METAP1: variants seen among roughly 807,000 people sequenced by gnomAD.
METAP1 encodes the protein methionine aminopeptidase 1.
Under a neutral mutation model 53.8 loss-of-function variants are expected in METAP1, and 28 were observed. The ratio of observed to expected loss-of-function variants is 0.52; its 90% CI spans 0.39 to 0.71. The LOEUF is 0.71. Ranked by LOEUF, METAP1 falls within the 30% of genes least tolerant of loss-of-function variation. METAP1 has a pLI of 0.00. For synonymous variants in METAP1, 181 were observed against 165.7 expected, an observed-to-expected ratio of 1.09 and a Z score of -0.71; for missense variants, 389 against 479.8, an observed-to-expected ratio of 0.81 and a Z score of 1.77.
intron 1 of METAP1, 130 bp downstream of exon 1, chr4:98,995,997 C>T (rs912523298): frequency 2.0e-5 from 15 of 737,322 alleles, no homozygotes; most frequent in East Asian, 3.0e-5. Context: ...GCGTTTCCTC[C>T]TCCCCCCACC....
At chr4:99,030,162 G>A (rs1724899532) in intron 2 of METAP1, among the ~76,000 whole-genome samples, 2 of 152,088 alleles carry the variant, frequency 1.3e-5, no homozygotes, top group African/African-American at 4.8e-5. Flanking sequence ...TAAAAGCATT[G>A]GTAAGTAATA....
intron 1 of METAP1, chr4:99,022,255 A>G: frequency 2.0e-6 from 1 of 494,400 alleles, no homozygotes; most frequent in East Asian, 3.7e-5. Context: ...TCATTCTATT[A>G]TGAGGTAGAC....
At position 99,061,596 on chromosome 4, in the gene METAP1, T is replaced by A; in HGVS notation, c.*279T>A. ...ACTTTTACTTAAACTTGCTTGTAGT[T>A]GCTTTTATCACTGCCGCAAAACAGC... On this transcript the variant is annotated 3_prime_UTR_variant, in exon 11 of 11. Coordinates refer to ENST00000296411, the MANE Select transcript of METAP1 (RefSeq NM_015143.3). 1 of 264,970 alleles carries A rather than the reference T, an allele frequency of 3.8e-6. No homozygotes were observed. The highest frequency in any genetic ancestry group is 7.0e-6 in the Non-Finnish European group (1 of 142,346). The allele number at this position is 264,970 out of a possible 1,614,324, so 16.4% of individuals were successfully genotyped here.
At chr4:99,008,163 A>G (rs762758745) in intron 1 of METAP1, among the ~76,000 whole-genome samples, 9 of 152,178 alleles carry the variant, frequency 5.9e-5, no homozygotes, top group Admixed American at 1.3e-4. Flanking sequence ...AGGTGTGAAA[A>G]TCAAATAGAG....
At chr4:99,036,639 A>G (rs541926586) in intron 4 of METAP1, among the ~76,000 whole-genome samples, 1 of 152,238 alleles carries the variant, frequency 6.6e-6, no homozygotes, top group Admixed American at 6.5e-5. Context: ...ATGTCTTACA[A>G]ATGTGTCTTA....
At chr4:99,032,877 T>C (rs1246283650) in intron 2 of METAP1, among the ~76,000 whole-genome samples, 1 of 152,236 alleles carries the variant, frequency 6.6e-6, no homozygotes, top group African/African-American at 2.4e-5. Flanking sequence ...TCACAGTGGC[T>C]TTCTTGAATT....
At chr4:99,013,930 C>T (rs1391931544) in intron 1 of METAP1, among the ~76,000 whole-genome samples, 2 of 152,160 alleles carry the variant, frequency 1.3e-5, no homozygotes, top group African/African-American at 4.8e-5. Flanking sequence ...ATTCCCTCCT[C>T]TTTTTGTTTT....
At chr4:99,003,029 A>G (rs1722993780) in intron 1 of METAP1, among the ~76,000 whole-genome samples, 1 of 152,142 alleles carries the variant, frequency 6.6e-6, no homozygotes, top group African/African-American at 2.4e-5. Flanking sequence ...AGATTGCGCC[A>G]CTGCACTCCA....
chr4:99,046,689 T>C (rs993835562), intron 8 of METAP1, among the ~76,000 whole-genome samples: 1 of 152,098 alleles, frequency 6.6e-6, no homozygotes, highest in Non-Finnish European at 1.5e-5. Context: ...GAGATGAAAT[T>C]TTTACTCAAG....
At position 99,023,008 on chromosome 4, in the gene METAP1, C is replaced by T. The variant is rs192479274; in HGVS notation, c.115-5859C>T. On this transcript the variant is annotated intron_variant, in intron 1 of 10. Transcript: ENST00000296411. ...CAGGTACACAATACCTGGCACTACCCGCTTCTTGCTGCCACAGGCTGCTGC... is the reference window on the plus strand; with the variant it reads ...CAGGTACACAATACCTGGCACTACCTGCTTCTTGCTGCCACAGGCTGCTGC... 1.1e-4 allele frequency: 156 copies of T among 1,460,598 alleles called. 1 individual carries two copies. Among genetic ancestry groups the T allele is most frequent in the African/African-American group, 3.5e-4 (25 of 71,174 alleles). The allele number at this position is 1,460,598 out of a possible 1,614,324, so 90.5% of individuals were successfully genotyped here.
At chr4:99,020,221 C>G (rs1724011801) in intron 1 of METAP1, among the ~76,000 whole-genome samples, 1 of 152,096 alleles carries the variant, frequency 6.6e-6, no homozygotes, top group Non-Finnish European at 1.5e-5. Flanking sequence ...AAAAACTGGT[C>G]AATTTGCTCT....
At position 98,995,724 on chromosome 4, in the gene METAP1, G is replaced by C; in HGVS notation, c.-30G>C. On this transcript the variant is annotated 5_prime_UTR_variant, in exon 1 of 11. Transcript: ENST00000296411. ...TCCCTCCCGCCGCCGCCTCTTCCTC[G>C]GTGAGGCGCTCTTCCAGCGGGCAGG... 2 of 1,531,608 alleles carry C rather than the reference G, an allele frequency of 1.3e-6. No homozygotes were observed. The highest frequency in any genetic ancestry group is 1.8e-6 in the Non-Finnish European group (2 of 1,132,666). 94.9% of individuals were successfully genotyped at this position (1,531,608 alleles called of 1,614,324 possible).
intron 9 of METAP1, among the ~76,000 whole-genome samples, chr4:99,054,444 A>G (rs1365257705): frequency 6.6e-6 from 1 of 152,188 alleles, no homozygotes; most frequent in Non-Finnish European, 1.5e-5. Flanking sequence ...GCTTTGGCTT[A>G]AGGGAATGTT....
intron 1 of METAP1, among the ~76,000 whole-genome samples, chr4:99,016,560 C>T (rs888308756): frequency 1.3e-5 from 2 of 152,160 alleles, no homozygotes; most frequent in South Asian, 2.1e-4. Flanking sequence ...CAATTAAGGC[C>T]GTCACTATAT....
At chr4:99,056,691 C>T (rs1183469290) in intron 9 of METAP1, among the ~76,000 whole-genome samples, 1 of 151,932 alleles carries the variant, frequency 6.6e-6, no homozygotes. Context: ...CTGCCTCAGC[C>T]TCCCGGTAGC....
intron 6 of METAP1, 30 bp downstream of exon 6, chr4:99,041,156 A>AT (rs2110368422): frequency 2.1e-6 from 3 of 1,400,010 alleles, no homozygotes; most frequent in Non-Finnish European, 3.0e-6. Context: ...ACTTTGAGTA[A>AT]TTTTGTTACA....
At chr4:99,050,809 C>G (rs778609541) in intron 9 of METAP1, among the ~76,000 whole-genome samples, 1 of 152,134 alleles carries the variant, frequency 6.6e-6, no homozygotes, top group African/African-American at 2.4e-5. Flanking sequence ...AATCATCCCC[C>G]CAAGGCTTGT....
chr4:99,008,348 G>C (rs911604603), intron 1 of METAP1, among the ~76,000 whole-genome samples: 2 of 152,122 alleles, frequency 1.3e-5, no homozygotes, highest in African/African-American at 2.4e-5. Flanking sequence ...TGAAATGATC[G>C]TTAGTAGGGA....
intron 1 of METAP1, among the ~76,000 whole-genome samples, chr4:99,000,508 G>C (rs1162902360): frequency 6.6e-6 from 1 of 152,148 alleles, no homozygotes; most frequent in Non-Finnish European, 1.5e-5. Context: ...AACCTCATAT[G>C]TAATGTTATT....
Sources: gnomAD v4.1 joint callset for allele counts (sites outside exome capture counted in the v4.1 genomes callset) on GRCh38, gnomAD v4.1.1 for gene constraint, MANE v1.5 for transcripts, NCBI Gene and HGNC (gene_info 2026-07-23, HGNC 2026-07-21) for gene names.